The following PIEZO2 variants were observed in gnomAD, a reference collection of about 807,000 sequenced individuals.
The protein encoded by PIEZO2 is piezo type mechanosensitive ion channel component 2, also known as piezo-type mechanosensitive ion channel component 2.
In PIEZO2, 172 loss-of-function variants were observed where a neutral mutation model predicts 337.3. That is an observed-to-expected ratio of 0.51 (90% CI 0.45 to 0.58). The LOEUF (loss-of-function observed/expected upper bound fraction) is 0.58, where lower values mean the gene tolerates loss of function less well. Ranked by LOEUF, PIEZO2 falls within the 20% of genes least tolerant of loss-of-function variation. PIEZO2 has a pLI of 0.00. For missense variants in PIEZO2, 3,028 were observed against 3,391.3 expected, an observed-to-expected ratio of 0.89 and a Z score of 2.66; for synonymous variants, 1,251 against 1,228.5, an observed-to-expected ratio of 1.02 and a Z score of -0.38.
chr18:10,867,098 G>A (rs1183671161), intron 5 of PIEZO2, among the ~76,000 whole-genome samples: 1 of 152,180 alleles, frequency 6.6e-6, no homozygotes, highest in East Asian at 1.9e-4. Context: ...AGTTTGCAAG[G>A]CAACTGGGCA....
In PIEZO2 at chr18:10,759,555, G is replaced by A; in HGVS notation, c.3684C>T (p.Ser1228=). 6.5e-7 allele frequency: 1 copy of A among 1,537,386 alleles called. No individual in the cohort carries two copies. The highest frequency in any genetic ancestry group is 8.7e-7 in the Non-Finnish European group (1 of 1,146,950). Residue 1228 remains serine, a synonymous_variant, in exon 26 of 56, where the codon AGC becomes AGT. Transcript: ENST00000674853. This position sits in a 1 kb window ranked among gnomAD's most constrained non-coding sequence, Gnocchi z 5.5. The part of the protein sequence containing the change: ...RDYPWRFKGA[S]FNDNIIKWLY... ...GCCACTTTATGATGTTGTCATTGAA[G>A]CTGGCACCCTTGAATCTCCACGGGT...
intron 39 of PIEZO2, among the ~76,000 whole-genome samples, chr18:10,711,818 T>C (rs2035831916): frequency 6.6e-6 from 1 of 152,246 alleles, no homozygotes; most frequent in Non-Finnish European, 1.5e-5. Context: ...AATATGATCA[T>C]GACTTTTGGT....
rs1044636052 is a variant in PIEZO2, at chr18:10,746,104, T to C, written c.4425-1873A>G. On this transcript the variant is annotated intron_variant, in intron 30 of 55. Coordinates refer to ENST00000674853, the MANE Select transcript of PIEZO2 (RefSeq NM_001378183.1). The surrounding 1 kb of genome is among the most constrained non-coding windows in gnomAD (Gnocchi z 4.2). ...TAGCTGCTATCTCTACCCTGGATTA[T>C]CATAGCAGCTGCTTAGCTGTCTCTC... 1.3e-5 allele frequency among the ~76,000 whole-genome samples: 2 copies of C among 152,338 alleles called. No homozygotes were observed. Among genetic ancestry groups the C allele is most frequent in the South Asian group, 2.1e-4 (1 of 4,822 alleles).
At position 10,929,874 on chromosome 18, in the gene PIEZO2, A is replaced by G. The variant is rs541339177; in HGVS notation, c.287-18646T>C. ...GACTGAATGGACTGCCCCTCAGCCC[A>G]GGAGGCCCAAAGAAGCCTAAAAAAC... On this transcript the variant is annotated intron_variant, in intron 3 of 55. Transcript: ENST00000674853. This position sits in a 1 kb window ranked among gnomAD's most constrained non-coding sequence, Gnocchi z 5.6. 2.2e-4 allele frequency among the ~76,000 whole-genome samples: 33 copies of G among 152,302 alleles called. 1 individual carries two copies. The South Asian group carries it at 6.8e-3, about 32-fold the overall frequency.
At position 10,866,514 on chromosome 18, in the gene PIEZO2, C is replaced by T. The variant is rs183087674; in HGVS notation, c.492+4739G>A. Among the ~76,000 whole-genome samples the T allele has an allele frequency of 1.9e-3, 283 of 152,190 alleles. 1 individual carries two copies. Among genetic ancestry groups the T allele is most frequent in the Admixed American group, 3.3e-3 (50 of 15,280 alleles). ...GTTAGCCAGGATGGTCTCAATATCCCGACCTCGTGATCTGCCCACCTTGCC... is the reference window on the plus strand; with the variant it reads ...GTTAGCCAGGATGGTCTCAATATCCTGACCTCGTGATCTGCCCACCTTGCC... On this transcript the variant is annotated intron_variant, in intron 5 of 55. Transcript: ENST00000674853.
intron 4 of PIEZO2, among the ~76,000 whole-genome samples, chr18:10,905,710 T>A (rs2043159349): frequency 6.6e-6 from 1 of 152,098 alleles, no homozygotes; most frequent in Non-Finnish European, 1.5e-5. Context: ...CAAATGACAC[T>A]TCCAGAAGCT....
At chr18:11,113,232 G>A (rs1044930199) in intron 1 of PIEZO2, among the ~76,000 whole-genome samples, 3 of 152,182 alleles carry the variant, frequency 2.0e-5, no homozygotes, top group African/African-American at 7.2e-5. Context: ...TTCCCTGTGT[G>A]ACTTAGATGG....
intron 2 of PIEZO2, among the ~76,000 whole-genome samples, chr18:11,044,159 CTA>C (rs10556222): frequency 0.46 from 68,592 of 147,666 alleles, 17,023 homozygotes; most frequent in African/African-American, 0.65. Flanking sequence ...TACTAATATA[CTA>C]TATATATATA....
At chr18:10,906,940 T>C (rs971390982) in intron 4 of PIEZO2, among the ~76,000 whole-genome samples, 5 of 152,134 alleles carry the variant, frequency 3.3e-5, no homozygotes, top group African/African-American at 1.2e-4. Flanking sequence ...TGAGATGTAG[T>C]GACAAACGGC....
At position 10,682,025 on chromosome 18, in the gene PIEZO2, A is replaced by G; in HGVS notation, c.7686+79T>C. On this transcript the variant is annotated intron_variant, in intron 50 of 55. Transcript: ENST00000674853. The surrounding 1 kb of genome is among the most constrained non-coding windows in gnomAD (Gnocchi z 5.6). ...ACAGCAGGGTCGGCAGCCCATGACTAAACACCCTACAGACAGCTATCATAA... is the reference window on the plus strand; with the variant it reads ...ACAGCAGGGTCGGCAGCCCATGACTGAACACCCTACAGACAGCTATCATAA... 7.3e-7 allele frequency: 1 copy of G among 1,372,924 alleles called. No individual in the cohort carries two copies. The highest frequency in any genetic ancestry group is 2.5e-5 in the East Asian group (1 of 39,874). The allele number at this position is 1,372,924 out of a possible 1,614,324, so 85.0% of individuals were successfully genotyped here.
intron 13 of PIEZO2, among the ~76,000 whole-genome samples, chr18:10,793,022 G>A (rs1169711126): frequency 2.0e-5 from 3 of 152,190 alleles, no homozygotes; most frequent in Admixed American, 6.5e-5. Flanking sequence ...TTGGGAGGCC[G>A]AGGCAGGTGG....
At chr18:11,065,320 A>C (rs1480865450) in intron 2 of PIEZO2, among the ~76,000 whole-genome samples, 1 of 152,228 alleles carries the variant, frequency 6.6e-6, no homozygotes, top group Non-Finnish European at 1.5e-5. Context: ...CTTTCATGTA[A>C]ACATACGGCC....
intron 1 of PIEZO2, among the ~76,000 whole-genome samples, chr18:11,141,779 T>G (rs2040655641): frequency 6.6e-6 from 1 of 152,006 alleles, no homozygotes; most frequent in Non-Finnish European, 1.5e-5. Context: ...GAGTTCAGAG[T>G]TGGCGACAAT....
At chr18:10,879,869 C>A (rs944031274) in intron 4 of PIEZO2, among the ~76,000 whole-genome samples, 2 of 152,074 alleles carry the variant, frequency 1.3e-5, no homozygotes, top group Non-Finnish European at 2.9e-5. Flanking sequence ...TAAATAAGTA[C>A]AAGTGCATGT....
At position 11,031,108 on chromosome 18, in the gene PIEZO2, G is replaced by A. The variant is rs538115258; in HGVS notation, c.160+35019C>T. Among the ~76,000 whole-genome samples the A allele has an allele frequency of 4.6e-5, 7 of 152,016 alleles. No homozygotes were observed. Among genetic ancestry groups the A allele is most frequent in the Non-Finnish European group, 8.8e-5 (6 of 67,996 alleles). ...GGGTTCACACCATTCTCCTGCCTCA[G>A]CCTCTCGAGTTTCTGGGACTACAGG... On this transcript the variant is annotated intron_variant, in intron 2 of 55. Coordinates refer to ENST00000674853, the MANE Select transcript of PIEZO2 (RefSeq NM_001378183.1). This position sits in a 1 kb window ranked among gnomAD's most constrained non-coding sequence, Gnocchi z 4.7.
intron 36 of PIEZO2, among the ~76,000 whole-genome samples, chr18:10,729,623 CAAAAAAAAAA>C (rs374976832): frequency 2.4e-5 from 3 of 124,760 alleles, no homozygotes; most frequent in Non-Finnish European, 4.9e-5. Flanking sequence ...GACTCTGTCT[CAAAAAAAAAA>C]AAAAAAGAAA....
intron 3 of PIEZO2, among the ~76,000 whole-genome samples, chr18:10,976,341 A>T (rs1213374851): frequency 6.6e-6 from 1 of 152,214 alleles, no homozygotes; most frequent in Non-Finnish European, 1.5e-5. Flanking sequence ...ATGCGATTAC[A>T]GGCATCACTA....
chr18:10,705,645 G>A lies in PIEZO2; in HGVS notation c.5690C>T (p.Pro1897Leu), dbSNP rs755690199. ...EQEEEAGSTA[P>L]EPREAKEYEA... ...GTACTCCTTGGCCTCCCTGGGCTCA[G>A]GCGCCGTGCTCCCTGCCTCCTCCTC... The change falls in exon 41 of 56, where the codon CCT becomes CTT. Residue 1897 changes from proline (P) to leucine (L), a missense_variant. Pro to Leu is a moderately conservative substitution (Grantham distance 98). This residue lies in a region of PIEZO2 where 1,925 missense variants were observed against 2,051.9 expected (regional missense o/e 0.94). Coordinates refer to ENST00000674853, the MANE Select transcript of PIEZO2 (RefSeq NM_001378183.1). 6.5e-7 allele frequency: 1 copy of A among 1,537,128 alleles called. No homozygotes were observed.
chr18:11,051,568 G>A (rs915017830), intron 2 of PIEZO2, among the ~76,000 whole-genome samples: 1 of 152,142 alleles, frequency 6.6e-6, no homozygotes, highest in Admixed American at 6.5e-5. Flanking sequence ...GATATGACCT[G>A]TCCATCTACT....
Sources: gnomAD v4.1 joint callset for allele counts (sites outside exome capture counted in the v4.1 genomes callset) on GRCh38, gnomAD v4.1.1 for gene constraint, gnomAD v4.1.1 regional missense constraint, Gnocchi (gnomAD v3.1) non-coding constraint, MANE v1.5 for transcripts, NCBI Gene and HGNC (gene_info 2026-07-23, HGNC 2026-07-21) for gene names.